Variants in ANXA8 observed in about 807,000 individuals in gnomAD.
ANXA8 encodes VAC-beta.
Under a neutral mutation model 26.8 loss-of-function variants are expected in ANXA8, and 9 were observed. That is an observed-to-expected ratio of 0.34 (90% CI 0.20 to 0.59). The LOEUF (loss-of-function observed/expected upper bound fraction) is 0.59. Ranked by LOEUF, ANXA8 falls within the 20% of genes least tolerant of loss-of-function variation. The probability of loss-of-function intolerance (pLI) is 0.84; values close to 1 mark genes in which losing one functional copy is unlikely to be tolerated. For missense variants in ANXA8, 83 were observed against 238.5 expected (o/e 0.35, Z 4.29); for synonymous variants, 39 against 94.8 (o/e 0.41, Z 3.42).
the ANXA8 span, among the ~76,000 whole-genome samples, chr10:47,729,809 A>T: frequency 7.2e-6 from 1 of 138,476 alleles, no homozygotes; most frequent in Non-Finnish European, 1.6e-5. Flanking sequence ...AGAGTAGTTT[A>T]CTTACCTGTT....
At chr10:47,584,023 T>C in the ANXA8 span, among the ~76,000 whole-genome samples, 90 of 132,682 alleles carry the variant, frequency 6.8e-4, 2 homozygotes, top group East Asian at 8.1e-3. Flanking sequence ...CTACTAAAAA[T>C]ACAAAAATTA....
At chr10:47,536,544 G>A in the ANXA8 span, among the ~76,000 whole-genome samples, 2 of 124,870 alleles carry the variant, frequency 1.6e-5, no homozygotes, top group Non-Finnish European at 3.1e-5. Flanking sequence ...CAATGGACTA[G>A]TAATATATAA....
At chr10:47,525,765 G>A in the ANXA8 span, among the ~76,000 whole-genome samples, 1 of 128,572 alleles carries the variant, frequency 7.8e-6, no homozygotes, top group African/African-American at 2.9e-5. Context: ...AATGATTCTG[G>A]CTATTAACCT....
chr10:47,557,003 C>CTTTTTTTTTTTT, the ANXA8 span, among the ~76,000 whole-genome samples: 1 of 113,440 alleles, frequency 8.8e-6, no homozygotes, highest in African/African-American at 3.4e-5. Context: ...TATTTTCTTT[C>CTTTTTTTTTTTT]TTTTTTTTTT....
the ANXA8 span, among the ~76,000 whole-genome samples, chr10:47,580,169 C>T: frequency 1.3e-5 from 2 of 151,800 alleles, no homozygotes; most frequent in African/African-American, 4.8e-5. Flanking sequence ...ATTCACCCAC[C>T]TCAGCCTCCC....
the ANXA8 span, among the ~76,000 whole-genome samples, chr10:47,688,509 C>G: frequency 1.3e-5 from 2 of 151,524 alleles, no homozygotes; most frequent in East Asian, 3.9e-4. Flanking sequence ...GCAACCTCCT[C>G]CTCCTGGGTT....
the ANXA8 span, among the ~76,000 whole-genome samples, chr10:47,988,833 T>A: frequency 2.1e-4 from 32 of 151,820 alleles, no homozygotes; most frequent in African/African-American, 7.7e-4. Context: ...CATACTCTTG[T>A]TTGTTGTTAT....
the ANXA8 span, chr10:47,491,755 A>G: frequency 3.2e-6 from 5 of 1,545,222 alleles, no homozygotes; most frequent in Admixed American, 9.8e-5. Context: ...GTGCCTATCT[A>G]GGCTCTGGGG....
the ANXA8 span, among the ~76,000 whole-genome samples, chr10:47,546,396 A>ATT: frequency 7.2e-4 from 43 of 59,540 alleles, 1 homozygote; most frequent in Non-Finnish European, 7.5e-4. Flanking sequence ...GATAAGACCA[A>ATT]TTTTTTTTTT....
the ANXA8 span, among the ~76,000 whole-genome samples, chr10:47,618,450 ATATT>A: frequency 9.0e-6 from 1 of 111,726 alleles, no homozygotes; most frequent in East Asian, 2.2e-4. Context: ...GATTCTAGAT[ATATT>A]TATTTGGCAT....
chr10:47,581,025 G>A, the ANXA8 span, among the ~76,000 whole-genome samples: 2 of 150,384 alleles, frequency 1.3e-5, no homozygotes, highest in Admixed American at 6.6e-5. Flanking sequence ...TCAGTGAGGC[G>A]AGATCACGCC....
At chr10:47,750,745 AAATTT>A in the ANXA8 span, 1 of 148,108 alleles carries the variant, frequency 6.8e-6, no homozygotes, top group Non-Finnish European at 1.5e-5. Flanking sequence ...ACTTAAATCT[AAATTT>A]TATTTTATTT....
the ANXA8 span, among the ~76,000 whole-genome samples, chr10:47,560,255 G>A: frequency 2.6e-5 from 4 of 151,820 alleles, no homozygotes; most frequent in African/African-American, 9.7e-5. Flanking sequence ...CCTGCTAAAT[G>A]CAAGTTAAAA....
the ANXA8 span, among the ~76,000 whole-genome samples, chr10:47,958,857 G>C: frequency 6.7e-6 from 1 of 149,796 alleles, no homozygotes; most frequent in East Asian, 2.1e-4. Flanking sequence ...ACTATCATGA[G>C]AACAGCATGG....
the ANXA8 span, among the ~76,000 whole-genome samples, chr10:47,947,824 C>T: frequency 6.6e-6 from 1 of 150,466 alleles, no homozygotes; most frequent in Non-Finnish European, 1.5e-5. Flanking sequence ...ATTAGTACAA[C>T]AGGGTTCCCC....
the ANXA8 span, chr10:47,715,981 T>G: frequency 4.1e-6 from 5 of 1,234,024 alleles, no homozygotes; most frequent in African/African-American, 5.4e-5. Flanking sequence ...CCTCTCAGGT[T>G]TAAGTGATTC....
chr10:47,627,886 T>C, the ANXA8 span, among the ~76,000 whole-genome samples: 9 of 149,482 alleles, frequency 6.0e-5, no homozygotes, highest in South Asian at 6.2e-4. Context: ...ATTTTTAAGT[T>C]GATTAAAAAT....
At chr10:47,907,041 G>A in the ANXA8 span, among the ~76,000 whole-genome samples, 2 of 150,678 alleles carry the variant, frequency 1.3e-5, no homozygotes, top group African/African-American at 2.4e-5. Flanking sequence ...GTATTAGCCA[G>A]AAGGAACTCA....
At chr10:47,646,811 A>C in the ANXA8 span, among the ~76,000 whole-genome samples, 3 of 152,056 alleles carry the variant, frequency 2.0e-5, no homozygotes, top group Non-Finnish European at 4.4e-5. Context: ...CTGCTGTTAA[A>C]ATTTGAACTC....
Sources: allele counts gnomAD v4.1 joint callset (sites outside exome capture counted in the v4.1 genomes callset), GRCh38; gene constraint gnomAD v4.1.1; transcripts MANE v1.5; gene names NCBI Gene and HGNC (gene_info 2026-07-23, HGNC 2026-07-21).